Variants in TMEM38A observed in about 807,000 individuals in gnomAD.
TMEM38A encodes transmembrane protein 38A, also known as trimeric intracellular cation channel type A.
A neutral mutation model predicts 28.6 loss-of-function variants in TMEM38A; 17 were observed. The observed-to-expected ratio is 0.60, with a 90% CI of 0.41 to 0.89. The LOEUF is 0.89. TMEM38A is among the 40% of genes least tolerant of loss of function. The pLI is 0.00. For missense variants in TMEM38A, 328 were observed against 393.1 expected, an observed-to-expected ratio of 0.83 and a Z score of 1.40; for synonymous variants, 169 against 166.1, an observed-to-expected ratio of 1.02 and a Z score of -0.14.
In TMEM38A at chr19:16,689,309, A is replaced by T. The variant is rs1420853817; in HGVS notation, c.*938A>T. ...GAAGCTGCAGTTAAAAAAGGCTCAC[A>T]TGCTCCTAGCCTCGTGCAGTCAGGA... On this transcript the variant is annotated 3_prime_UTR_variant, in exon 6 of 6. Transcript: ENST00000187762. 6.6e-6 allele frequency: 1 copy of T among 152,278 alleles called. No individual in the cohort carries two copies. The highest frequency in any genetic ancestry group is 1.5e-5 in the Non-Finnish European group (1 of 68,100). 9.4% of individuals were successfully genotyped at this position (152,278 alleles called of 1,614,324 possible). A position where few individuals can be genotyped will look rare whatever the true frequency, so the allele number is the denominator to read the frequency against.
At chr19:16,672,446 A>ATTTTTTTTTT (rs746189021) in intron 1 of TMEM38A, among the ~76,000 whole-genome samples, 2,251 of 104,878 alleles carry the variant, frequency 0.021, 207 homozygotes, top group African/African-American at 0.052. Flanking sequence ...AAAAAACCTC[A>ATTTTTTTTTT]TTTTTTTTTT....
Position 16,661,369 on chromosome 19 carries a change from A to C in TMEM38A, c.124+28A>C. 3 of 1,526,276 alleles carry C rather than the reference A, an allele frequency of 2.0e-6. No homozygotes were observed. The highest frequency in any genetic ancestry group is 2.7e-6 in the Non-Finnish European group (3 of 1,131,550). 94.5% of individuals were successfully genotyped at this position (1,526,276 alleles called of 1,614,324 possible). ...GAGCCGGGGCGGGGGGCTGGAGGGGACCGGCAGCGGGTGGCGCGGGCCGGG... is the reference window on the plus strand; with the variant it reads ...GAGCCGGGGCGGGGGGCTGGAGGGGCCCGGCAGCGGGTGGCGCGGGCCGGG... On this transcript the variant is annotated intron_variant, in intron 1 of 5. Transcript: ENST00000187762. The surrounding 1 kb of genome is among the most constrained non-coding windows in gnomAD (Gnocchi z 6.5).
At chr19:16,664,748 C>T (rs1403777554) in intron 1 of TMEM38A, among the ~76,000 whole-genome samples, 1 of 151,836 alleles carries the variant, frequency 6.6e-6, no homozygotes, top group Admixed American at 6.6e-5. Flanking sequence ...GGATGAAGCT[C>T]AGAGTGTGGT....
At chr19:16,677,796 G>C (rs116911068) in intron 1 of TMEM38A, among the ~76,000 whole-genome samples, 4,736 of 152,250 alleles carry the variant, frequency 0.031, 91 homozygotes, top group South Asian at 0.068. Context: ...AGGCTCAAGT[G>C]ATCTACGTGG....
At chr19:16,680,261 A>G in intron 2 of TMEM38A, 121 bp downstream of exon 2, 2 of 1,483,728 alleles carry the variant, frequency 1.3e-6, no homozygotes, top group Non-Finnish European at 1.9e-6. Flanking sequence ...GATGGCCCTG[A>G]ATATGCTGCC....
chr19:16,686,705 T>A (rs1444940608), intron 5 of TMEM38A, among the ~76,000 whole-genome samples: 2 of 152,036 alleles, frequency 1.3e-5, no homozygotes, highest in Non-Finnish European at 1.5e-5. Flanking sequence ...AATGGCAGCA[T>A]CAGGTACCCA....
intron 1 of TMEM38A, among the ~76,000 whole-genome samples, chr19:16,679,182 A>AAGAAG (rs1555710103): frequency 7.1e-6 from 1 of 139,884 alleles, no homozygotes; most frequent in East Asian, 2.1e-4. Flanking sequence ...AAAAAAAAAA[A>AAGAAG]AAGAATACCA....
chr19:16,662,109 G>A (rs1018745601), intron 1 of TMEM38A, among the ~76,000 whole-genome samples: 28 of 152,074 alleles, frequency 1.8e-4, no homozygotes, highest in Admixed American at 5.3e-4. Flanking sequence ...AAGGTTCACC[G>A]TGAACAAATG....
intron 2 of TMEM38A, 60 bp from the exon 3 acceptor site, chr19:16,680,337 C>G: frequency 6.3e-7 from 1 of 1,592,370 alleles, no homozygotes; most frequent in Non-Finnish European, 8.6e-7. Context: ...ACCACAGCTC[C>G]CTACCCCCAT....
chr19:16,678,261 T>C (rs1226303118), intron 1 of TMEM38A, among the ~76,000 whole-genome samples: 1 of 151,902 alleles, frequency 6.6e-6, no homozygotes, highest in African/African-American at 2.4e-5. Flanking sequence ...AACCCCCATC[T>C]CCACTAAAAA....
At chr19:16,670,261 C>A (rs955514317) in intron 1 of TMEM38A, among the ~76,000 whole-genome samples, 1 of 149,390 alleles carries the variant, frequency 6.7e-6, no homozygotes, top group African/African-American at 2.5e-5. Flanking sequence ...AGCCACTGCG[C>A]CCGGCCTGTT....
At chr19:16,666,644 A>G (rs1031944295) in intron 1 of TMEM38A, among the ~76,000 whole-genome samples, 3 of 152,052 alleles carry the variant, frequency 2.0e-5, no homozygotes, top group East Asian at 1.9e-4. Context: ...AGCAGTGTCA[A>G]TGTCACCTGG....
At position 16,679,997 on chromosome 19, in the gene TMEM38A, G is replaced by T; in HGVS notation, c.138G>T (p.Leu46=). 1 of 1,606,894 alleles carries T rather than the reference G, an allele frequency of 6.2e-7. No homozygotes were observed. ...YLKYEPGAVE[L]SRRHPIASWL... The stretch of plus-strand genomic sequence containing the variant: ...TGTGCCTCCCAGGAGCAGTCGAACT[G>T]TCCCGGCGCCACCCCATCGCGTCCT... The change falls in exon 2 of 6, where the codon CTG becomes CTT. Residue 46 remains leucine (L), a synonymous_variant. Coordinates refer to ENST00000187762, the MANE Select transcript of TMEM38A (RefSeq NM_024074.4).
chr19:16,673,091 T>A (rs1234920599), intron 1 of TMEM38A, among the ~76,000 whole-genome samples: 1 of 152,120 alleles, frequency 6.6e-6, no homozygotes, highest in Non-Finnish European at 1.5e-5. Flanking sequence ...TGTTTGTTTG[T>A]TTGTTTCTGA....
Position 16,689,507 on chromosome 19 carries a change from G to T in TMEM38A, c.*1136G>T, listed in dbSNP as rs1036230377. 1 of 152,160 alleles carries T rather than the reference G, an allele frequency of 6.6e-6. No homozygotes were observed. The highest frequency in any genetic ancestry group is 1.5e-5 in the Non-Finnish European group (1 of 68,054). The allele number at this position is 152,160 out of a possible 1,614,324, so 9.4% of individuals were successfully genotyped here. On this transcript the variant is annotated 3_prime_UTR_variant, in exon 6 of 6. Coordinates refer to ENST00000187762, the MANE Select transcript of TMEM38A (RefSeq NM_024074.4). ...GGCGTGAAAGGCTTGTGATCTGTTC[G>T]TCTCAGGCTCCCCCTAAACCAAAGA... is the stretch of plus-strand genomic sequence containing the variant.
At chr19:16,679,915 A>G in intron 1 of TMEM38A, 69 bp from the exon 2 acceptor site, 1 of 1,498,192 alleles carries the variant, frequency 6.7e-7, no homozygotes. Flanking sequence ...TAGGCTGACC[A>G]GAGCATATGG....
Position 16,688,333 on chromosome 19 carries a change from G to A in TMEM38A, c.862G>A (p.Glu288Lys), listed in dbSNP as rs1298740529. The A allele has an allele frequency of 6.2e-7, 1 of 1,605,516 alleles. No homozygotes were observed. ...MPAKSKEELSEGSRKKKAKKA... is the reference protein window; with the variant it reads ...MPAKSKEELSKGSRKKKAKKA... The stretch of plus-strand genomic sequence containing the variant: ...CGCCAAGTCCAAGGAGGAGTTGAGC[G>A]AGGGCTCCAGGAAGAAGAAGGCCAA... The change falls in exon 6 of 6, where the codon GAG (glutamate) becomes AAG (lysine). Residue 288 changes from glutamate (E) to lysine (K), a missense_variant. Physicochemically the swap from Glu to Lys is moderately conservative, Grantham distance 56. Coordinates refer to ENST00000187762, the MANE Select transcript of TMEM38A (RefSeq NM_024074.4).
intron 1 of TMEM38A, among the ~76,000 whole-genome samples, chr19:16,677,243 G>A (rs975027185): frequency 6.6e-6 from 1 of 152,070 alleles, no homozygotes; most frequent in African/African-American, 2.4e-5. Context: ...CCTTTACCCA[G>A]CTTCCTCCAA....
intron 5 of TMEM38A, among the ~76,000 whole-genome samples, chr19:16,687,640 AGC>A (rs2086807184): frequency 6.6e-6 from 1 of 152,176 alleles, no homozygotes; most frequent in Non-Finnish European, 1.5e-5. Flanking sequence ...GCAGATAGGC[AGC>A]ATCTCACTGT....
Sources: allele counts gnomAD v4.1 joint callset (sites outside exome capture counted in the v4.1 genomes callset), GRCh38; gene constraint gnomAD v4.1.1; non-coding constraint Gnocchi (gnomAD v3.1); transcripts MANE v1.5; gene names NCBI Gene and HGNC (gene_info 2026-07-23, HGNC 2026-07-21).